Variants in FGF5 observed in about 807,000 individuals in gnomAD.
FGF5 encodes heparin-binding growth factor 5.
A neutral mutation model predicts 21.8 loss-of-function variants in FGF5; 23 were observed. The ratio of observed to expected loss-of-function variants is 1.05; its 90% confidence interval spans 0.76 to 1.49. FGF5 has a LOEUF of 1.49. Ranked by LOEUF, FGF5 falls within the 40% of genes most tolerant of loss-of-function variation. The probability of loss-of-function intolerance (pLI) is 0.00; values close to 1 mark genes in which losing one functional copy is unlikely to be tolerated. For missense variants in FGF5, 352 were observed against 332.9 expected (o/e 1.06, Z -0.45); for synonymous variants, 158 against 124.0 (o/e 1.27, Z -1.82).
intron 2 of FGF5, among the ~76,000 whole-genome samples, chr4:80,282,403 T>C (rs1276308935): frequency 1.3e-5 from 2 of 152,332 alleles, no homozygotes; most frequent in East Asian, 3.9e-4. Context: ...AAAACGCTGA[T>C]TTTAAACATT....
At chr4:80,281,852 A>G (rs1578296892) in intron 2 of FGF5, among the ~76,000 whole-genome samples, 1 of 152,126 alleles carries the variant, frequency 6.6e-6, no homozygotes, top group East Asian at 1.9e-4. Context: ...AGTTAATCGG[A>G]GTTGTGCTTT....
At position 80,266,734 on chromosome 4, in the gene FGF5, C is replaced by A; in HGVS notation, c.-91C>A. ...GCTATGTCCACCCGGTGCGGCGAGG[C>A]GGGCAGAGCCAGAGGCACGCAGCCG... On this transcript the variant is annotated 5_prime_UTR_variant, in exon 1 of 3. Coordinates refer to ENST00000312465, the MANE Select transcript of FGF5 (RefSeq NM_004464.4). The A allele has an allele frequency of 2.7e-6, 3 of 1,114,676 alleles. No individual in the cohort carries two copies. Among genetic ancestry groups the A allele is most frequent in the African/African-American group, 3.1e-5 (2 of 64,136 alleles). 69.0% of individuals were successfully genotyped at this position (1,114,676 alleles called of 1,614,324 possible).
At chr4:80,281,832 G>A (rs556501405) in intron 2 of FGF5, among the ~76,000 whole-genome samples, 1 of 152,034 alleles carries the variant, frequency 6.6e-6, no homozygotes, top group Non-Finnish European at 1.5e-5. Flanking sequence ...AGTCATTTCT[G>A]GAATATTGTA....
At chr4:80,274,721 G>A (rs1720362584) in intron 1 of FGF5, among the ~76,000 whole-genome samples, 188 bp from the exon 2 acceptor site, 1 of 152,026 alleles carries the variant, frequency 6.6e-6, no homozygotes, top group African/African-American at 2.4e-5. Flanking sequence ...TATTTTAAAT[G>A]AACACTTGAA....
In FGF5 at chr4:80,266,879, T is replaced by G; in HGVS notation, c.55T>G (p.Trp19Gly). The G allele has an allele frequency of 6.2e-7, 1 of 1,612,424 alleles. No homozygotes were observed. Reference protein sequence around the residue: ...LFFSHLILSAWAHGEKRLAPK... With the variant: ...LFFSHLILSAGAHGEKRLAPK... ...CTTCAGCCACCTGATCCTCAGCGCC[T>G]GGGCTCACGGGGAGAAGCGTCTCGC... Residue 19 changes from tryptophan to glycine, a missense_variant, in exon 1 of 3, where the codon TGG becomes GGG. Trp to Gly is a radical substitution (Grantham distance 184, BLOSUM62 -2). Coordinates refer to ENST00000312465, the MANE Select transcript of FGF5 (RefSeq NM_004464.4).
chr4:80,284,063 C>T (rs1393885020), intron 2 of FGF5, among the ~76,000 whole-genome samples: 3 of 152,142 alleles, frequency 2.0e-5, no homozygotes, highest in Admixed American at 6.5e-5. Context: ...CATAGCAGTC[C>T]GGGCCTAAAT....
chr4:80,266,907 C>G lies in FGF5; in HGVS notation c.83C>G (p.Pro28Arg). 2 of 1,614,024 alleles carry G rather than the reference C, an allele frequency of 1.2e-6. No homozygotes were observed. The highest frequency in any genetic ancestry group is 1.7e-6 in the Non-Finnish European group (2 of 1,179,932). ...GCTCACGGGGAGAAGCGTCTCGCCC[C>G]CAAAGGGCAACCCGGACCCGCTGCC... Reference protein sequence around the residue: ...AWAHGEKRLAPKGQPGPAATD... With the variant: ...AWAHGEKRLARKGQPGPAATD... Residue 28 changes from proline (P) to arginine (R), a missense_variant, in exon 1 of 3, where the codon CCC becomes CGC. Pro to Arg is a moderately radical substitution (Grantham distance 103). Transcript: ENST00000312465.
At position 80,286,684 on chromosome 4, in the gene FGF5, G is replaced by C; in HGVS notation, c.*12G>C. On this transcript the variant is annotated 3_prime_UTR_variant, in exon 3 of 3. Coordinates refer to ENST00000312465, the MANE Select transcript of FGF5 (RefSeq NM_004464.4). ...TTCGCTTTGGATAATATTCCTCTTG[G>C]CCTTGTGAGAAACCATTCTTTCCCC... 6.2e-7 allele frequency: 1 copy of C among 1,603,128 alleles called. No homozygotes were observed. Among genetic ancestry groups the C allele is most frequent in the Non-Finnish European group, 8.5e-7 (1 of 1,171,876 alleles).
upstream of FGF5, chr4:80,266,588 G>A: frequency 4.2e-6 from 2 of 481,344 alleles, no homozygotes; most frequent in Non-Finnish European, 7.3e-6. Context: ...CCGCGGGTGA[G>A]GGGAAGCTTC....
At chr4:80,274,244 A>AT (rs1207712262) in intron 1 of FGF5, among the ~76,000 whole-genome samples, 1 of 152,096 alleles carries the variant, frequency 6.6e-6, no homozygotes, top group Non-Finnish European at 1.5e-5. Context: ...TATTTCATTA[A>AT]TTTTTTTCTA....
At chr4:80,278,048 G>C (rs1437594866) in intron 2 of FGF5, among the ~76,000 whole-genome samples, 1 of 152,054 alleles carries the variant, frequency 6.6e-6, no homozygotes. Flanking sequence ...GATTGAACCA[G>C]AACTATATCC....
chr4:80,287,563 CT>C lies in FGF5; in HGVS notation c.*896del, dbSNP rs1720772821. On this transcript the variant is annotated 3_prime_UTR_variant, in exon 3 of 3. Coordinates refer to ENST00000312465, the MANE Select transcript of FGF5 (RefSeq NM_004464.4). ...CTAAGTCTGTCTTGCCTTCATTTCT[CT>C]TTTTATCTCCCCCTTGCCCTCATTC... 1.3e-5 allele frequency: 2 copies of C among 152,308 alleles called. No homozygotes were observed. The highest frequency in any genetic ancestry group is 4.8e-5 in the African/African-American group (2 of 41,560). 9.4% of individuals were successfully genotyped at this position (152,308 alleles called of 1,614,324 possible).
intron 2 of FGF5, among the ~76,000 whole-genome samples, chr4:80,278,700 T>G (rs1720479719): frequency 6.6e-6 from 1 of 152,146 alleles, no homozygotes; most frequent in South Asian, 2.1e-4. Flanking sequence ...TTATTTGAGC[T>G]TCAGCCATCT....
chr4:80,267,454 T>A lies in FGF5; in HGVS notation c.355+275T>A, dbSNP rs34551653. On this transcript the variant is annotated intron_variant, in intron 1 of 2. Coordinates refer to ENST00000312465, the MANE Select transcript of FGF5 (RefSeq NM_004464.4). ...CGGGTACCTTGTTTTCAGTTTGCTC[T>A]AGCCTCAAAGACGAGTCCCCAGCCA... Among the ~76,000 whole-genome samples the A allele has an allele frequency of 8.0e-3, 1,222 of 152,326 alleles. 14 individuals carry two copies. The highest frequency in any genetic ancestry group is 0.028 in the African/African-American group (1,158 of 41,564).
At chr4:80,279,013 C>G (rs1258158935) in intron 2 of FGF5, among the ~76,000 whole-genome samples, 1 of 152,204 alleles carries the variant, frequency 6.6e-6, no homozygotes, top group African/African-American at 2.4e-5. Context: ...ACTGAGCACT[C>G]TTTCTCCCTT....
intron 1 of FGF5, among the ~76,000 whole-genome samples, chr4:80,267,828 T>C (rs578122861): frequency 6.6e-6 from 1 of 152,134 alleles, no homozygotes; most frequent in East Asian, 1.9e-4. Flanking sequence ...TGGAAGAAGA[T>C]TGTGCTCTAG....
In FGF5 at chr4:80,266,752, C is replaced by G; in HGVS notation, c.-73C>G. On this transcript the variant is annotated 5_prime_UTR_variant, in exon 1 of 3. Coordinates refer to ENST00000312465, the MANE Select transcript of FGF5 (RefSeq NM_004464.4). The stretch of plus-strand genomic sequence containing the variant: ...GGCGAGGCGGGCAGAGCCAGAGGCA[C>G]GCAGCCGCACAGGGGCTACAGAGCC... The G allele has an allele frequency of 1.5e-6, 2 of 1,310,760 alleles. No individual in the cohort carries two copies. The highest frequency in any genetic ancestry group is 2.1e-6 in the Non-Finnish European group (2 of 958,480). The allele number at this position is 1,310,760 out of a possible 1,614,324, so 81.2% of individuals were successfully genotyped here. A position where few individuals can be genotyped will look rare whatever the true frequency, so the allele number is the denominator to read the frequency against.
chr4:80,286,841 A>G lies in FGF5; in HGVS notation c.*169A>G. The G allele has an allele frequency of 1.7e-6, 1 of 596,058 alleles. No homozygotes were observed. The highest frequency in any genetic ancestry group is 2.9e-6 in the Non-Finnish European group (1 of 340,200). 36.9% of individuals were successfully genotyped at this position (596,058 alleles called of 1,614,324 possible). On this transcript the variant is annotated 3_prime_UTR_variant, in exon 3 of 3. Coordinates refer to ENST00000312465, the MANE Select transcript of FGF5 (RefSeq NM_004464.4). ...TGAAACAAAATGTTTTTTGATAGGA[A>G]GGAAACTGGAATTCTTTGTACTAAT... is the stretch of plus-strand genomic sequence containing the variant.
Position 80,289,893 on chromosome 4 carries a change from G to A in FGF5, c.*3221G>A, listed in dbSNP as rs545238400. ...ATATAAAACTAAGGCTTTTATTTCTGTTATTTTTAAGCTTTTATTTCTTGT... is the reference window on the plus strand; with the variant it reads ...ATATAAAACTAAGGCTTTTATTTCTATTATTTTTAAGCTTTTATTTCTTGT... On this transcript the variant is annotated 3_prime_UTR_variant, in exon 3 of 3. Transcript: ENST00000312465. The A allele has an allele frequency of 5.5e-4, 84 of 152,062 alleles. No individual in the cohort carries two copies. The highest frequency in any genetic ancestry group is 1.8e-3 in the African/African-American group (76 of 41,510). 9.4% of individuals were successfully genotyped at this position (152,062 alleles called of 1,614,324 possible). A position where few individuals can be genotyped will look rare whatever the true frequency, so the allele number is the denominator to read the frequency against.
Sources: allele counts gnomAD v4.1 joint callset (sites outside exome capture counted in the v4.1 genomes callset), GRCh38; gene constraint gnomAD v4.1.1; transcripts MANE v1.5; gene names NCBI Gene and HGNC (gene_info 2026-07-23, HGNC 2026-07-21).